EYS: variants seen among roughly 807,000 people sequenced by gnomAD.
The protein encoded by EYS is EGF-like photoreceptor maintenance factor.
Under a neutral mutation model 282.1 loss-of-function variants are expected in EYS, and 250 were observed. The observed-to-expected ratio is 0.89, with a 90% CI of 0.80 to 0.98. EYS has a LOEUF of 0.98. Ranked by LOEUF, EYS falls within the 50% of genes least tolerant of loss-of-function variation. The pLI, the probability that EYS is intolerant of heterozygous loss-of-function variation, is 0.00. For missense variants in EYS, 4,016 were observed against 3,709.0 expected, an observed-to-expected ratio of 1.08 and a Z score of -2.15; for synonymous variants, 1,355 against 1,282.9, an observed-to-expected ratio of 1.06 and a Z score of -1.20.
At chr6:64,027,079 C>A (rs980828390) in intron 33 of EYS, among the ~76,000 whole-genome samples, 6 of 152,108 alleles carry the variant, frequency 3.9e-5, no homozygotes, top group Admixed American at 3.3e-4. Context: ...GTATCTTAGT[C>A]GAGTAAATGA....
At chr6:65,338,477 A>T (rs1770075886) in intron 10 of EYS, among the ~76,000 whole-genome samples, 1 of 151,142 alleles carries the variant, frequency 6.6e-6, no homozygotes, top group Non-Finnish European at 1.5e-5. Flanking sequence ...TTCTATCAAA[A>T]CATTACATCA....
intron 2 of EYS, among the ~76,000 whole-genome samples, chr6:65,617,277 C>T (rs2351269): frequency 0.36 from 54,355 of 151,844 alleles, 12,122 homozygotes; most frequent in Non-Finnish European, 0.49. Flanking sequence ...AGCCTGTGAA[C>T]GAAGCTATTG....
chr6:64,784,585 C>T (rs1442688230), intron 22 of EYS, among the ~76,000 whole-genome samples: 3 of 152,044 alleles, frequency 2.0e-5, no homozygotes, highest in African/African-American at 7.3e-5. Flanking sequence ...ACATCATAAA[C>T]CTCAATAATT....
intron 33 of EYS, among the ~76,000 whole-genome samples, chr6:64,019,159 C>T (rs1329439638): frequency 6.6e-6 from 1 of 152,040 alleles, no homozygotes; most frequent in Non-Finnish European, 1.5e-5. Flanking sequence ...AGCAACAAAA[C>T]CTGGAATGAT....
intron 35 of EYS, among the ~76,000 whole-genome samples, chr6:63,932,431 T>G (rs1764923211): frequency 6.6e-6 from 1 of 152,178 alleles, no homozygotes; most frequent in African/African-American, 2.4e-5. Flanking sequence ...TGAATTCTCT[T>G]TTCTTTTCTT....
chr6:65,643,869 G>A (rs1263002823), intron 1 of EYS, among the ~76,000 whole-genome samples: 1 of 152,010 alleles, frequency 6.6e-6, no homozygotes, highest in African/African-American at 2.4e-5. Context: ...GGGGGAGGGG[G>A]TACAAGAATA....
chr6:64,468,931 C>A (rs777700899), intron 26 of EYS, among the ~76,000 whole-genome samples: 2 of 152,020 alleles, frequency 1.3e-5, no homozygotes, highest in Non-Finnish European at 2.9e-5. Context: ...TATTCTATGT[C>A]TTTGCTATTG....
chr6:64,942,046 C>G (rs552290216), intron 15 of EYS, among the ~76,000 whole-genome samples: 1 of 152,106 alleles, frequency 6.6e-6, no homozygotes, highest in South Asian at 2.1e-4. Flanking sequence ...CTGCTCTCCA[C>G]AGTAGCTGAA....
intron 30 of EYS, among the ~76,000 whole-genome samples, chr6:64,245,356 A>G (rs1668698830): frequency 6.6e-6 from 1 of 151,886 alleles, no homozygotes; most frequent in Admixed American, 6.6e-5. Flanking sequence ...GCAGCATCTT[A>G]GTTGCCTAGG....
chr6:63,901,514 C>T, intron 35 of EYS, among the ~76,000 whole-genome samples: 1 of 152,068 alleles, frequency 6.6e-6, no homozygotes. Flanking sequence ...TTTACAAATC[C>T]AAGAAGTTTA....
intron 35 of EYS, among the ~76,000 whole-genome samples, chr6:63,875,335 G>T (rs912954502): frequency 2.6e-5 from 4 of 152,164 alleles, no homozygotes; most frequent in African/African-American, 9.7e-5. Context: ...CTTGATCATG[G>T]TTGATAAGCT....
At chr6:65,279,033 A>G (rs1047071623) in intron 12 of EYS, among the ~76,000 whole-genome samples, 1 of 152,036 alleles carries the variant, frequency 6.6e-6, no homozygotes, top group Non-Finnish European at 1.5e-5. Context: ...TACTAAAAAT[A>G]CAAAAATATT....
At chr6:63,972,995 C>T (rs1405998593) in intron 35 of EYS, among the ~76,000 whole-genome samples, 1 of 152,128 alleles carries the variant, frequency 6.6e-6, no homozygotes, top group Admixed American at 6.6e-5. Context: ...CTGCAATAAA[C>T]ATACATGTGC....
chr6:65,548,160 C>G (rs1425059416), intron 2 of EYS, among the ~76,000 whole-genome samples: 1 of 151,998 alleles, frequency 6.6e-6, no homozygotes, highest in African/African-American at 2.4e-5. Flanking sequence ...GTGAAAATGT[C>G]CAAAGAACTA....
chr6:63,957,492 A>G (rs1201066517), intron 35 of EYS, among the ~76,000 whole-genome samples: 4 of 141,186 alleles, frequency 2.8e-5, no homozygotes, highest in African/African-American at 9.8e-5. Context: ...ATAGGAATTC[A>G]CAAATATTGT....
chr6:65,026,918 A>AT (rs1320915486), intron 13 of EYS, among the ~76,000 whole-genome samples: 2 of 146,748 alleles, frequency 1.4e-5, no homozygotes, highest in African/African-American at 2.5e-5. Flanking sequence ...CTCCGTCTCA[A>AT]AAAAAAAAAA....
chr6:63,922,424 A>G (rs1764598555), intron 35 of EYS, among the ~76,000 whole-genome samples: 1 of 152,064 alleles, frequency 6.6e-6, no homozygotes. Flanking sequence ...TTAGCTGGGC[A>G]TGGTGGCAGG....
chr6:63,941,869 A>G (rs1352320050), intron 35 of EYS, among the ~76,000 whole-genome samples: 3 of 152,218 alleles, frequency 2.0e-5, no homozygotes, highest in Non-Finnish European at 4.4e-5. Context: ...AAGCCTGGAC[A>G]ATGAGAACAC....
At chr6:65,513,941 G>A (rs907232679) in intron 2 of EYS, among the ~76,000 whole-genome samples, 1 of 152,242 alleles carries the variant, frequency 6.6e-6, no homozygotes, top group Non-Finnish European at 1.5e-5. Flanking sequence ...TCCTGGTCAG[G>A]GCAATTAGGC....
Sources: gnomAD v4.1 joint callset for allele counts (sites outside exome capture counted in the v4.1 genomes callset) on GRCh38, gnomAD v4.1.1 for gene constraint, MANE v1.5 for transcripts, NCBI Gene and HGNC (gene_info 2026-07-23, HGNC 2026-07-21) for gene names.